The following DACH1 variants were observed in gnomAD, a reference collection of about 807,000 sequenced individuals.
DACH1 encodes dachshund family transcription factor 1, also known as dachshund homolog 1.
DACH1 carries 12 observed loss-of-function variants against 54.2 expected under a neutral mutation model. The ratio of observed to expected loss-of-function variants is 0.22; its 90% CI spans 0.14 to 0.36. The LOEUF is 0.36. DACH1 is among the 10% of genes least tolerant of loss of function. DACH1 has a pLI of 1.00. For synonymous variants in DACH1, 386 were observed against 366.2 expected, an observed-to-expected ratio of 1.05 and a Z score of -0.62; for missense variants, 805 against 929.8, an observed-to-expected ratio of 0.87 and a Z score of 1.75.
rs144330115 is a variant in DACH1, at chr13:71,714,342, A to T, written c.849-32432T>A. ...AACGGGGACAATTAAACAAAACAAA[A>T]CAAAACAAAACAAAACAGGACATGG... On this transcript the variant is annotated intron_variant, in intron 1 of 10. Coordinates refer to ENST00000613252, the MANE Select transcript of DACH1 (RefSeq NM_080759.6). 4.9e-3 allele frequency among the ~76,000 whole-genome samples: 745 copies of T among 151,990 alleles called. 5 individuals carry two copies. Among genetic ancestry groups the T allele is most frequent in the African/African-American group, 0.017 (700 of 41,368 alleles).
At chr13:71,510,227 AC>A (rs1028901999) in intron 6 of DACH1, among the ~76,000 whole-genome samples, 8 of 151,982 alleles carry the variant, frequency 5.3e-5, no homozygotes, top group Admixed American at 5.3e-4. Context: ...GTGCCTTCTG[AC>A]CTTTTCTCTT....
intron 2 of DACH1, among the ~76,000 whole-genome samples, chr13:71,634,171 C>T (rs1877307080): frequency 6.6e-6 from 1 of 151,980 alleles, no homozygotes; most frequent in African/African-American, 2.4e-5. Flanking sequence ...CGGGGTTTCA[C>T]CATGTTGGCC....
rs747754330 is a variant in DACH1, at chr13:71,668,617, T to A, written c.964+13178A>T. On this transcript the variant is annotated intron_variant, in intron 2 of 10. Coordinates refer to ENST00000613252, the MANE Select transcript of DACH1 (RefSeq NM_080759.6). ...TCTAATTGAAAAATACAAAACAAAA[T>A]TTTTTTTTTTAAAAATAAAGAAATG... Among the ~76,000 whole-genome samples, 118 of 149,804 alleles carry A rather than the reference T, an allele frequency of 7.9e-4. 1 individual carries two copies. The highest frequency in any genetic ancestry group is 1.1e-3 in the Admixed American group (17 of 14,948).
chr13:71,515,762 C>T (rs1566309918), intron 6 of DACH1, among the ~76,000 whole-genome samples: 3 of 151,888 alleles, frequency 2.0e-5, no homozygotes, highest in African/African-American at 7.2e-5. Context: ...GGTCAAGTAC[C>T]TTGTGAACCT....
rs538919121 is a variant in DACH1, at chr13:71,686,476, A to G, written c.849-4566T>C. The stretch of plus-strand genomic sequence containing the variant: ...ATTTCAGTCTCTCTCCTACAACTGT[A>G]TAATGTTTACTAACTTTTCCAGGTC... On this transcript the variant is annotated intron_variant, in intron 1 of 10. Transcript: ENST00000613252. Among the ~76,000 whole-genome samples, 131 of 152,266 alleles carry G rather than the reference A, an allele frequency of 8.6e-4. 1 individual carries two copies. The South Asian group carries it at 0.027, about 31-fold the overall frequency.
In DACH1 at chr13:71,866,851, G is replaced by A. The variant is rs1019265502; in HGVS notation, c.-82C>T. The A allele has an allele frequency of 1.3e-5, 15 of 1,124,884 alleles. No individual in the cohort carries two copies. In the South Asian group the frequency reaches 5.1e-4, roughly 38 times the overall value. 69.7% of individuals were successfully genotyped at this position (1,124,884 alleles called of 1,614,324 possible). The stretch of plus-strand genomic sequence containing the variant: ...CCCCCGGGAGGGGAAGGGGAAAAAA[G>A]GGGGGAGAAGGAGCGAGGGGGGCAA... On this transcript the variant is annotated 5_prime_UTR_variant, in exon 1 of 11. Coordinates refer to ENST00000613252, the MANE Select transcript of DACH1 (RefSeq NM_080759.6).
chr13:71,486,669 G>T (rs1193793816), intron 7 of DACH1, among the ~76,000 whole-genome samples: 1 of 151,646 alleles, frequency 6.6e-6, no homozygotes, highest in African/African-American at 2.4e-5. Context: ...TCACCTTGTG[G>T]GCACATATGT....
intron 1 of DACH1, among the ~76,000 whole-genome samples, chr13:71,726,481 C>A (rs2137898458): frequency 1.3e-5 from 2 of 152,032 alleles, no homozygotes; most frequent in South Asian, 4.1e-4. Context: ...TAAACAAATT[C>A]TAAGTAAAAA....
At chr13:71,633,012 C>T (rs533102576) in intron 2 of DACH1, among the ~76,000 whole-genome samples, 2 of 152,288 alleles carry the variant, frequency 1.3e-5, no homozygotes, top group Admixed American at 6.5e-5. Context: ...ATGTGAACAT[C>T]CCATTTTTCC....
chr13:71,676,813 C>A (rs1175353106), intron 2 of DACH1, among the ~76,000 whole-genome samples: 2 of 151,968 alleles, frequency 1.3e-5, no homozygotes, highest in Admixed American at 1.3e-4. Flanking sequence ...AAATTCTTAC[C>A]TTTTAAGCAT....
At position 71,475,484 on chromosome 13, in the gene DACH1, G is replaced by A. The variant is rs140775782; in HGVS notation, c.2014+222C>T. 3.7e-3 allele frequency among the ~76,000 whole-genome samples: 561 copies of A among 152,206 alleles called. 3 individuals are homozygous for A. Among genetic ancestry groups the A allele is most frequent in the Non-Finnish European group, 6.1e-3 (414 of 68,000 alleles). ...GAAAAAAATCTGGTTAAGCAGAGAA[G>A]TAATGCCAAGTCCCAGATGCTGGAG... is the stretch of plus-strand genomic sequence containing the variant. On this transcript the variant is annotated intron_variant, in intron 9 of 10. Coordinates refer to ENST00000613252, the MANE Select transcript of DACH1 (RefSeq NM_080759.6).
chr13:71,848,618 C>T (rs1318518648), intron 1 of DACH1, among the ~76,000 whole-genome samples: 1 of 151,998 alleles, frequency 6.6e-6, no homozygotes, highest in African/African-American at 2.4e-5. Context: ...TCACAGCTCA[C>T]TGCAGAGCCT....
chr13:71,497,092 C>T (rs1879502489), intron 6 of DACH1, among the ~76,000 whole-genome samples: 2 of 152,108 alleles, frequency 1.3e-5, no homozygotes, highest in Middle Eastern at 3.4e-3. Context: ...ATTTGAGACT[C>T]ATTTCATTTA....
chr13:71,642,981 C>T (rs1474081722), intron 2 of DACH1, among the ~76,000 whole-genome samples: 2 of 151,668 alleles, frequency 1.3e-5, no homozygotes, highest in Non-Finnish European at 2.9e-5. Context: ...GCAGAGATCG[C>T]GCCACTGCAC....
At chr13:71,822,971 T>C (rs769933668) in intron 1 of DACH1, among the ~76,000 whole-genome samples, 5 of 152,134 alleles carry the variant, frequency 3.3e-5, no homozygotes, top group African/African-American at 1.2e-4. Flanking sequence ...TTCACAGCTA[T>C]TAAAATTCAA....
rs149186349 is a variant in DACH1 at position 71,860,250 on chromosome 13, A to G, written c.848+5672T>C. Among the ~76,000 whole-genome samples, 547 of 151,614 alleles carry G rather than the reference A, an allele frequency of 3.6e-3. 2 individuals are homozygous for G. Among genetic ancestry groups the G allele is most frequent in the African/African-American group, 0.013 (523 of 41,476 alleles). On this transcript the variant is annotated intron_variant, in intron 1 of 10. Coordinates refer to ENST00000613252, the MANE Select transcript of DACH1 (RefSeq NM_080759.6). ...CACACACACACACACATGCATGCAG[A>G]TATACATCTCTTAAACTGGCCAATC...
intron 3 of DACH1, among the ~76,000 whole-genome samples, chr13:71,625,472 A>C (rs1876578038): frequency 6.6e-6 from 1 of 152,044 alleles, no homozygotes; most frequent in Non-Finnish European, 1.5e-5. Flanking sequence ...AAAATTAAAG[A>C]AAGATAAGAG....
chr13:71,865,250 G>A (rs1369311838), intron 1 of DACH1, among the ~76,000 whole-genome samples: 1 of 152,162 alleles, frequency 6.6e-6, no homozygotes, highest in Non-Finnish European at 1.5e-5. Flanking sequence ...TCCCCTCCGG[G>A]CTTCGGAGCT....
At chr13:71,541,379 T>C (rs1593860425) in intron 6 of DACH1, among the ~76,000 whole-genome samples, 1 of 152,116 alleles carries the variant, frequency 6.6e-6, no homozygotes, top group East Asian at 1.9e-4. Context: ...TTTCACATAA[T>C]GATCATGATT....
Sources: allele counts gnomAD v4.1 joint callset (sites outside exome capture counted in the v4.1 genomes callset), GRCh38; gene constraint gnomAD v4.1.1; transcripts MANE v1.5; gene names NCBI Gene and HGNC (gene_info 2026-07-23, HGNC 2026-07-21).